KIAA1191: variants seen among roughly 807,000 people sequenced by gnomAD.
KIAA1191 encodes the protein KIAA1191, also known as putative monooxygenase p33MONOX.
In KIAA1191, 22 loss-of-function variants were observed where a neutral mutation model predicts 31.1. The ratio of observed to expected loss-of-function variants is 0.71; its 90% CI spans 0.51 to 1.01. The LOEUF (loss-of-function observed/expected upper bound fraction) is 1.01. Among genes scored for constraint, KIAA1191 ranks in the 50% least tolerant of loss-of-function variants. The probability of loss-of-function intolerance (pLI) is 0.00; values close to 1 mark genes in which losing one functional copy is unlikely to be tolerated. For missense variants in KIAA1191, 319 were observed against 388.0 expected (o/e 0.82, Z 1.49); for synonymous variants, 130 against 143.9 (o/e 0.90, Z 0.69).
At chr5:176,348,464 C>T in intron 6 of KIAA1191, 108 bp from the exon 7 acceptor site, 1 of 715,668 alleles carries the variant, frequency 1.4e-6, no homozygotes, top group South Asian at 1.8e-5. Flanking sequence ...AGGCAGAAGA[C>T]ATCTACAGGT....
At position 176,348,067 on chromosome 5, in the gene KIAA1191, G is replaced by T; in HGVS notation, c.567-4C>A. ...AGAACCAGAAGTGAACCAGCCCCTG[G>T]GAAAGAAAGAACAAAACATATCCTA... On this transcript the variant is annotated splice_region_variant and splice_polypyrimidine_tract_variant and intron_variant, in intron 7 of 8. Transcript: ENST00000298569. 1 of 1,613,136 alleles carries T rather than the reference G, an allele frequency of 6.2e-7. No individual in the cohort carries two copies. Among genetic ancestry groups the T allele is most frequent in the Non-Finnish European group, 8.5e-7 (1 of 1,179,680 alleles).
chr5:176,358,279 C>T (rs1439007952), intron 3 of KIAA1191, among the ~76,000 whole-genome samples: 2 of 152,206 alleles, frequency 1.3e-5, no homozygotes, highest in East Asian at 3.8e-4. Context: ...GTACATACTA[C>T]AAGAACTGCA....
rs1426484194 is a variant in KIAA1191 at position 176,361,571 on chromosome 5, A to AAGGG, written c.-168+27_-168+30dup. 1 of 152,380 alleles carries AAGGG rather than the reference A, an allele frequency of 6.6e-6. No homozygotes were observed. Among genetic ancestry groups the AAGGG allele is most frequent in the Non-Finnish European group, 1.5e-5 (1 of 68,218 alleles). The allele number at this position is 152,380 out of a possible 1,614,324, so 9.4% of individuals were successfully genotyped here. On this transcript the variant is annotated intron_variant, in intron 1 of 8. Transcript: ENST00000298569. The surrounding 1 kb of genome is among the most constrained non-coding windows in gnomAD (Gnocchi z 4.0). Reference sequence around the variant, plus strand: ...CCTGATCGCCAGAGAACGCAGCCCCAAGGGAGGGCCCAGGCCCGCCATCTG... The same window carrying AAGGG: ...CCTGATCGCCAGAGAACGCAGCCCCAAGGGAGGGAGGGCCCAGGCCCGCCATCTG...
At chr5:176,356,974 C>T (rs531673811) in intron 3 of KIAA1191, among the ~76,000 whole-genome samples, 1 of 152,254 alleles carries the variant, frequency 6.6e-6, no homozygotes, top group African/African-American at 2.4e-5. Context: ...GATACGACTG[C>T]TAATGGTACG....
At chr5:176,348,964 A>G (rs1223654489) in intron 6 of KIAA1191, 1 of 152,776 alleles carries the variant, frequency 6.5e-6, no homozygotes, top group African/African-American at 2.4e-5. Context: ...CAAGGTTCCC[A>G]TGCTGTTTCC....
rs768553098 is a variant in KIAA1191, at chr5:176,348,037, G to A, written c.593C>T (p.Thr198Ile). The A allele has an allele frequency of 1.1e-5, 18 of 1,613,974 alleles. No homozygotes were observed. The South Asian group carries it at 2.0e-4, about 18-fold the overall frequency. Residue 198 changes from threonine to isoleucine, a missense_variant, in exon 8 of 9, where the codon ACA becomes ATA. Thr to Ile is a moderately conservative substitution (Grantham distance 89). Transcript: ENST00000298569. ...GCTAGGATTTGGGCCAGGTAAGGCT[G>A]TGGAAGAACCAGAAGTGAACCAGCC... is the stretch of plus-strand genomic sequence containing the variant. The part of the protein sequence containing the change: ...PRGWFTSGSS[T>I]ALPGPNPSTM...
intron 6 of KIAA1191, 51 bp from the exon 7 acceptor site, chr5:176,348,407 A>C: frequency 7.0e-7 from 1 of 1,421,880 alleles, no homozygotes; most frequent in Non-Finnish European, 9.9e-7. Flanking sequence ...AGCAAATTCC[A>C]AACAGATAAG....
intron 5 of KIAA1191, among the ~76,000 whole-genome samples, chr5:176,352,189 G>A (rs1166447751): frequency 1.3e-5 from 2 of 151,440 alleles, no homozygotes; most frequent in Admixed American, 1.3e-4. Context: ...ACAAAAACTG[G>A]GGTAAGTGGG....
Position 176,359,504 on chromosome 5 carries a change from G to A in KIAA1191, c.5C>T (p.Ala2Val). 1 of 1,613,234 alleles carries A rather than the reference G, an allele frequency of 6.2e-7. No individual in the cohort carries two copies. The highest frequency in any genetic ancestry group is 8.5e-7 in the Non-Finnish European group (1 of 1,179,316). ...ACCAGGCACTTCTGGTTGTCTTGAA[G>A]CCATTGAAAGACTGGGATCCAGGTG... MASRQPEVPALE... is the reference protein window; with the variant it reads MVSRQPEVPALE... The change falls in exon 3 of 9, where the codon GCT (alanine) becomes GTT (valine). Residue 2 changes from alanine to valine, a missense_variant. Ala to Val is a moderately conservative substitution (Grantham distance 64). Coordinates refer to ENST00000298569, the MANE Select transcript of KIAA1191 (RefSeq NM_020444.5).
rs1768021167 is a variant in KIAA1191, at chr5:176,361,592, A to G, written c.-168+10T>C. 1 of 152,304 alleles carries G rather than the reference A, an allele frequency of 6.6e-6. No homozygotes were observed. Among genetic ancestry groups the G allele is most frequent in the Non-Finnish European group, 1.5e-5 (1 of 68,144 alleles). 9.4% of individuals were successfully genotyped at this position (152,304 alleles called of 1,614,324 possible). ...CCCCAAGGGAGGGCCCAGGCCCGCC[A>G]TCTGTTCACCTGTGATCCTGCTGCC... On this transcript the variant is annotated intron_variant, in intron 1 of 8. Coordinates refer to ENST00000298569, the MANE Select transcript of KIAA1191 (RefSeq NM_020444.5). The surrounding 1 kb of genome is among the most constrained non-coding windows in gnomAD (Gnocchi z 4.0).
In KIAA1191 at chr5:176,352,745, C is replaced by A; in HGVS notation, c.211G>T (p.Glu71Ter). ...GAGGGTAGACTGGCCTCTCCTTCCT[C>A]CACCTGTTCAAGAGAGGTACAGTAC... ...ERKYQHLAKV[E>*]EGEASLPSPA... is the part of the protein sequence containing the mutation. The change falls in exon 5 of 9, where the codon GAG becomes TAG. Residue 71 changes from glutamate to a stop codon, truncating the protein, a stop_gained. Coordinates refer to ENST00000298569, the MANE Select transcript of KIAA1191 (RefSeq NM_020444.5). LOFTEE classifies it high-confidence loss of function. The A allele has an allele frequency of 1.2e-6, 2 of 1,613,286 alleles. No individual in the cohort carries two copies. Among genetic ancestry groups the A allele is most frequent in the Non-Finnish European group, 1.7e-6 (2 of 1,179,558 alleles).
At position 176,346,950 on chromosome 5, in the gene KIAA1191, AAAG is replaced by A. The variant is rs1422200729; in HGVS notation, c.*647_*649del. 1 of 152,226 alleles carries A rather than the reference AAAG, an allele frequency of 6.6e-6. No individual in the cohort carries two copies. Among genetic ancestry groups the A allele is most frequent in the Non-Finnish European group, 1.5e-5 (1 of 68,036 alleles). 9.4% of individuals were successfully genotyped at this position (152,226 alleles called of 1,614,324 possible). A position where few individuals can be genotyped will look rare whatever the true frequency, so the allele number is the denominator to read the frequency against. On this transcript the variant is annotated 3_prime_UTR_variant, in exon 9 of 9. Transcript: ENST00000298569. ...CTCACATGGATAGTGGTAAAGGAAT[AAAG>A]AAGCCTGGGTTTTGGAACAGTACAA...
chr5:176,350,552 A>C lies in KIAA1191; in HGVS notation c.459+61T>G, dbSNP rs1039564028. ...ACTGAGCTGGTAACTTCAAAACCACAGCCACATTTCAAGCCATGAACACTG... is the reference window on the plus strand; with the variant it reads ...ACTGAGCTGGTAACTTCAAAACCACCGCCACATTTCAAGCCATGAACACTG... On this transcript the variant is annotated intron_variant, in intron 6 of 8. Transcript: ENST00000298569. 1.9e-6 allele frequency: 3 copies of C among 1,585,780 alleles called. No individual in the cohort carries two copies. The African/African-American group carries it at 4.1e-5, about 21-fold the overall frequency.
At chr5:176,356,865 G>A (rs560400436) in intron 3 of KIAA1191, among the ~76,000 whole-genome samples, 2 of 152,296 alleles carry the variant, frequency 1.3e-5, no homozygotes, top group East Asian at 1.9e-4. Context: ...GGACCAAGCA[G>A]CTATCATTAT....
intron 6 of KIAA1191, 45 bp downstream of exon 6, chr5:176,350,568 A>T (rs760326559): frequency 6.2e-7 from 1 of 1,604,252 alleles, no homozygotes. Flanking sequence ...ATTTCAAGCC[A>T]TGAACACTGA....
intron 2 of KIAA1191, 78 bp from the exon 3 acceptor site, chr5:176,359,645 C>T (rs1464053578): frequency 1.9e-5 from 14 of 722,770 alleles, no homozygotes; most frequent in South Asian, 6.0e-5. Context: ...CAGAATTGAA[C>T]GGCTTGTTTA....
chr5:176,348,314 G>C lies in KIAA1191; in HGVS notation c.502C>G (p.Gln168Glu). 1 of 1,613,746 alleles carries C rather than the reference G, an allele frequency of 6.2e-7. No homozygotes were observed. Among genetic ancestry groups the C allele is most frequent in the Non-Finnish European group, 8.5e-7 (1 of 1,179,988 alleles). ...GGGGTGGACTGGGCTGATGCAGGCTGCCTCTCTTCTTTTGTTACCTCTCCA... is the reference window on the plus strand; with the variant it reads ...GGGGTGGACTGGGCTGATGCAGGCTCCCTCTCTTCTTTTGTTACCTCTCCA... Reference protein sequence around the residue: ...QSGEVTKEERQPASAQSTPST... With the variant: ...QSGEVTKEEREPASAQSTPST... Residue 168 changes from glutamine to glutamate, a missense_variant, in exon 7 of 9, where the codon CAG (glutamine) becomes GAG (glutamate). Gln to Glu is a conservative substitution (Grantham distance 29). Transcript: ENST00000298569.
chr5:176,357,207 AG>A (rs1283040368), intron 3 of KIAA1191: 1 of 152,200 alleles, frequency 6.6e-6, no homozygotes, highest in Non-Finnish European at 1.5e-5. Context: ...AGACTGAGGC[AG>A]GAGAATTGCT....
chr5:176,358,871 T>A lies in KIAA1191; in HGVS notation c.28+610A>T, dbSNP rs189738805. 2.5e-3 allele frequency among the ~76,000 whole-genome samples: 385 copies of A among 151,726 alleles called. 3 individuals are homozygous for A. Among genetic ancestry groups the A allele is most frequent in the African/African-American group, 8.8e-3 (364 of 41,334 alleles). On this transcript the variant is annotated intron_variant, in intron 3 of 8. Coordinates refer to ENST00000298569, the MANE Select transcript of KIAA1191 (RefSeq NM_020444.5). ...AGGCCGAGGCGGGCGGATCACAAGG[T>A]CAAGAAATCGAGACCATCCTGGCTA...
Sources: gnomAD v4.1 joint callset for allele counts (sites outside exome capture counted in the v4.1 genomes callset) on GRCh38, gnomAD v4.1.1 for gene constraint, Gnocchi (gnomAD v3.1) non-coding constraint, MANE v1.5 for transcripts, NCBI Gene and HGNC (gene_info 2026-07-23, HGNC 2026-07-21) for gene names.